Variants in SUFU observed in about 807,000 individuals in gnomAD.
The protein encoded by SUFU is SUFU negative regulator of hedgehog signaling, also known as suppressor of fused homolog.
A neutral mutation model predicts 58.9 loss-of-function variants in SUFU; 7 were observed. The ratio of observed to expected loss-of-function variants is 0.12; its 90% confidence interval spans 0.07 to 0.22. The LOEUF (loss-of-function observed/expected upper bound fraction) is 0.22, where lower values mean the gene tolerates loss of function less well. Among genes scored for constraint, SUFU ranks in the 10% least tolerant of loss-of-function variants. The pLI, the probability that SUFU is intolerant of heterozygous loss-of-function variation, is 1.00. For missense variants in SUFU, 451 were observed against 641.3 expected (o/e 0.70, Z 3.20); for synonymous variants, 232 against 254.8 (o/e 0.91, Z 0.85).
chr10:102,577,296 C>T (rs1343191068), intron 3 of SUFU, among the ~76,000 whole-genome samples: 1 of 151,540 alleles, frequency 6.6e-6, no homozygotes. Flanking sequence ...GTTGGCCAGG[C>T]TAGTCTTGGA....
At chr10:102,552,024 CTTA>C (rs1170776936) in intron 3 of SUFU, among the ~76,000 whole-genome samples, 1 of 152,042 alleles carries the variant, frequency 6.6e-6, no homozygotes, top group African/African-American at 2.4e-5. Context: ...TGTGCCCGAC[CTTA>C]TTATGTACCT....
rs139580429 is a variant in SUFU, at chr10:102,592,664, G to A, written c.537G>A (p.Leu179=). 6.9e-5 allele frequency: 111 copies of A among 1,614,106 alleles called. No individual in the cohort carries two copies. Among genetic ancestry groups the A allele is most frequent in the Non-Finnish European group, 8.9e-5 (105 of 1,180,046 alleles). ...NSESRIQHML[L]TEDPQMQPVQ... The stretch of plus-strand genomic sequence containing the variant: ...AGTCAAGAATTCAGCACATGCTGCT[G>A]ACAGAGGACCCACAGATGCAGCCCG... The change falls in exon 4 of 12, where the codon CTG becomes CTA. Residue 179 remains leucine (L), a synonymous_variant. Coordinates refer to ENST00000369902, the MANE Select transcript of SUFU (RefSeq NM_016169.4).
intron 3 of SUFU, among the ~76,000 whole-genome samples, chr10:102,564,050 C>T (rs2063064897): frequency 6.6e-6 from 1 of 152,192 alleles, no homozygotes; most frequent in Non-Finnish European, 1.5e-5. Flanking sequence ...CATTGCTGTG[C>T]TCAGCAGCAC....
intron 6 of SUFU, among the ~76,000 whole-genome samples, chr10:102,595,251 A>C (rs139136982): frequency 3.9e-5 from 6 of 152,326 alleles, no homozygotes; most frequent in African/African-American, 1.4e-4. Context: ...GCAGCCCCTG[A>C]GTTCTTCACT....
intron 10 of SUFU, among the ~76,000 whole-genome samples, chr10:102,622,325 G>T (rs896779597): frequency 1.3e-5 from 2 of 152,186 alleles, no homozygotes; most frequent in African/African-American, 4.8e-5. Flanking sequence ...ACAAGTGCTG[G>T]CCAGGTGCGG....
chr10:102,503,622 GC>G (rs2062278100), upstream of SUFU, among the ~76,000 whole-genome samples: 1 of 152,026 alleles, frequency 6.6e-6, no homozygotes, highest in Non-Finnish European at 1.5e-5. Context: ...TAATACTAAC[GC>G]CCCATGGATG....
intron 3 of SUFU, among the ~76,000 whole-genome samples, chr10:102,557,621 A>G (rs1342543634): frequency 6.6e-6 from 1 of 152,194 alleles, no homozygotes; most frequent in Admixed American, 6.5e-5. Context: ...CCCTGTCTCA[A>G]AAACAAAAAA....
intron 3 of SUFU, among the ~76,000 whole-genome samples, chr10:102,569,799 A>G (rs1015108980): frequency 6.6e-6 from 1 of 152,204 alleles, no homozygotes; most frequent in Non-Finnish European, 1.5e-5. Flanking sequence ...ATTTAAACCA[A>G]TCAGAGTGTG....
chr10:102,507,133 C>T (rs1761408277), intron 1 of SUFU, among the ~76,000 whole-genome samples: 1 of 152,162 alleles, frequency 6.6e-6, no homozygotes, highest in South Asian at 2.1e-4. Flanking sequence ...TGCTTGGGGA[C>T]AGGGTTAATT....
At position 102,512,063 on chromosome 10, in the gene SUFU, C is replaced by A. The variant is rs576105871; in HGVS notation, c.317+2760C>A. On this transcript the variant is annotated intron_variant, in intron 2 of 11. Transcript: ENST00000369902. Reference sequence around the variant, plus strand: ...GCTATTCCACCTCTCTGAACACAGGCCTAACCCAACTTCCTCTTCTCTCTT... The same window carrying A: ...GCTATTCCACCTCTCTGAACACAGGACTAACCCAACTTCCTCTTCTCTCTT... Among the ~76,000 whole-genome samples the A allele has an allele frequency of 2.0e-4, 31 of 152,298 alleles. 1 individual carries two copies. Among genetic ancestry groups the A allele is most frequent in the Admixed American group, 1.6e-3 (24 of 15,294 alleles).
chr10:102,542,659 C>G (rs1255413704), intron 2 of SUFU, among the ~76,000 whole-genome samples: 1 of 144,018 alleles, frequency 6.9e-6, no homozygotes, highest in Non-Finnish European at 1.5e-5. Context: ...GAGTCTCCCT[C>G]TGTCACCCAG....
rs530836407 is a variant in SUFU, at chr10:102,529,952, A to AG, written c.318-20018_318-20017insG. The stretch of plus-strand genomic sequence containing the variant: ...GAGTGAGACTCCGTCTCAAAAAAAA[A>AG]AAAAGAAAAGAAAAAGGAAAGTTGC... On this transcript the variant is annotated intron_variant, in intron 2 of 11. Coordinates refer to ENST00000369902, the MANE Select transcript of SUFU (RefSeq NM_016169.4). Among the ~76,000 whole-genome samples the AG allele has an allele frequency of 1.8e-3, 270 of 151,978 alleles. 1 individual carries two copies. The highest frequency in any genetic ancestry group is 6.2e-3 in the African/African-American group (259 of 41,476).
rs2063292512 is a variant in SUFU, at chr10:102,582,526, G to A, written c.455-10056G>A. Among the ~76,000 whole-genome samples, 7 of 152,138 alleles carry A rather than the reference G, an allele frequency of 4.6e-5. No individual in the cohort carries two copies. In the South Asian group the frequency reaches 1.4e-3, roughly 31 times the overall value. On this transcript the variant is annotated intron_variant, in intron 3 of 11. Transcript: ENST00000369902. ...GGGGGTGGGGTGATGGCCAATTGGA[G>A]GAGCCAGTAGGATTCTGTGCGCCTG...
At chr10:102,565,280 T>C (rs2063075818) in intron 3 of SUFU, among the ~76,000 whole-genome samples, 1 of 152,204 alleles carries the variant, frequency 6.6e-6, no homozygotes. Flanking sequence ...TGTTTTCCAC[T>C]TCTGAATAAC....
At chr10:102,530,447 C>CTT (rs34892390) in intron 2 of SUFU, among the ~76,000 whole-genome samples, 2 of 113,460 alleles carry the variant, frequency 1.8e-5, no homozygotes, top group East Asian at 2.5e-4. Flanking sequence ...TATTTTAAAT[C>CTT]TTTTTTTTTT....
intron 1 of SUFU, among the ~76,000 whole-genome samples, chr10:102,505,189 C>T (rs985210854): frequency 2.0e-5 from 3 of 152,150 alleles, no homozygotes; most frequent in African/African-American, 4.8e-5. Context: ...AGCTTCTCGG[C>T]CATGGCCTGC....
upstream of SUFU, among the ~76,000 whole-genome samples, chr10:102,503,756 G>A (rs117169851): frequency 0.025 from 3,815 of 152,264 alleles, 72 homozygotes; most frequent in Non-Finnish European, 0.038. Flanking sequence ...CACCTCAGAG[G>A]GTGCTCAGCA....
Position 102,619,201 on chromosome 10 carries a change from C to A in SUFU, c.1296+1773C>A. ...ACAGGACTTCGCAGATGTCACATTGCCCCTCAGTCCCCTGAATGCCCTTCG... is the reference window on the plus strand; with the variant it reads ...ACAGGACTTCGCAGATGTCACATTGACCCTCAGTCCCCTGAATGCCCTTCG... On this transcript the variant is annotated intron_variant, in intron 10 of 11. Coordinates refer to ENST00000369902, the MANE Select transcript of SUFU (RefSeq NM_016169.4). This position sits in a 1 kb window ranked among gnomAD's most constrained non-coding sequence, Gnocchi z 4.2. 6.3e-7 allele frequency: 1 copy of A among 1,592,452 alleles called. No homozygotes were observed. Among genetic ancestry groups the A allele is most frequent in the Admixed American group, 1.7e-5 (1 of 58,246 alleles).
chr10:102,596,186 C>A (rs1248107585), intron 6 of SUFU, among the ~76,000 whole-genome samples: 2 of 152,186 alleles, frequency 1.3e-5, no homozygotes, highest in Non-Finnish European at 2.9e-5. Context: ...AGGACAGTAC[C>A]TGTACTTCTC....
Sources: allele counts gnomAD v4.1 joint callset (sites outside exome capture counted in the v4.1 genomes callset), GRCh38; gene constraint gnomAD v4.1.1; non-coding constraint Gnocchi (gnomAD v3.1); transcripts MANE v1.5; gene names NCBI Gene and HGNC (gene_info 2026-07-23, HGNC 2026-07-21).